Variants in ROBO1 observed in about 807,000 individuals in gnomAD.
ROBO1 encodes roundabout homolog 1.
ROBO1 carries 149 observed loss-of-function variants against 195.9 expected under a neutral mutation model. That is an observed-to-expected ratio of 0.76 (90% CI 0.67 to 0.87). ROBO1 has a LOEUF of 0.87. Ranked by LOEUF, ROBO1 falls within the 40% of genes least tolerant of loss-of-function variation. The pLI is 0.00. For synonymous variants in ROBO1, 816 were observed against 733.2 expected, an observed-to-expected ratio of 1.11 and a Z score of -1.82; for missense variants, 1,933 against 2,068.3, an observed-to-expected ratio of 0.93 and a Z score of 1.27.
At chr3:79,415,651 A>AT (rs1317625385) in intron 2 of ROBO1, among the ~76,000 whole-genome samples, 1 of 152,162 alleles carries the variant, frequency 6.6e-6, no homozygotes, top group Admixed American at 6.6e-5. Context: ...GAAGAAGCAG[A>AT]TTTTTGCATT....
chr3:79,214,775 C>CATAT (rs142556647), intron 2 of ROBO1, among the ~76,000 whole-genome samples: 17 of 142,326 alleles, frequency 1.2e-4, no homozygotes, highest in Admixed American at 4.3e-4. Context: ...TATATTATAG[C>CATAT]ATATATATAT....
In ROBO1 at chr3:78,938,658, C is replaced by T. The variant is rs555382684; in HGVS notation, c.442G>A (p.Val148Ile). The change falls in exon 4 of 31, where the codon GTA becomes ATA. Residue 148 changes from valine (V) to isoleucine (I), a missense_variant. Val to Ile is a conservative substitution (Grantham distance 29). Around this residue, in one of 3 missense-constraint regions of ROBO1, gnomAD observed 1,737 missense variants for 1,882.5 expected, o/e 0.92. Transcript: ENST00000464233. ...GCCTCTCCAAGGTAATTCCTTGCTACACAGACATAGACTCCTTCATCAGGT... is the reference window on the plus strand; with the variant it reads ...GCCTCTCCAAGGTAATTCCTTGCTATACAGACATAGACTCCTTCATCAGGT... ...SRPDEGVYVCVARNYLGEAVS... is the reference protein window; with the variant it reads ...SRPDEGVYVCIARNYLGEAVS... 9 of 1,613,964 alleles carry T rather than the reference C, an allele frequency of 5.6e-6. No individual in the cohort carries two copies. The South Asian group carries it at 9.9e-5, about 18-fold the overall frequency.
chr3:79,404,974 T>G (rs1559875062), intron 2 of ROBO1, among the ~76,000 whole-genome samples: 1 of 152,092 alleles, frequency 6.6e-6, no homozygotes, highest in Non-Finnish European at 1.5e-5. Flanking sequence ...TATTAAAAAA[T>G]AATGGTTTTT....
At chr3:79,602,747 A>G (rs773716401) in intron 1 of ROBO1, among the ~76,000 whole-genome samples, 1 of 152,040 alleles carries the variant, frequency 6.6e-6, no homozygotes, top group Non-Finnish European at 1.5e-5. Context: ...CATTAAATCA[A>G]TGATAGCCAC....
chr3:79,740,652 T>C (rs1703606413), intron 1 of ROBO1, among the ~76,000 whole-genome samples: 1 of 152,084 alleles, frequency 6.6e-6, no homozygotes, highest in Non-Finnish European at 1.5e-5. Flanking sequence ...ACGAGAACAG[T>C]GTGGCAGAAA....
chr3:78,922,169 A>C (rs891871047), intron 4 of ROBO1, among the ~76,000 whole-genome samples: 1 of 152,164 alleles, frequency 6.6e-6, no homozygotes, highest in Non-Finnish European at 1.5e-5. Flanking sequence ...CTGTGAGAAG[A>C]TAATACAAAT....
chr3:78,652,368 G>C (rs1706721580), intron 18 of ROBO1, among the ~76,000 whole-genome samples: 1 of 151,890 alleles, frequency 6.6e-6, no homozygotes, highest in South Asian at 2.1e-4. Context: ...AACTTTCTCA[G>C]ACTTCTACAG....
intron 1 of ROBO1, among the ~76,000 whole-genome samples, chr3:79,696,183 T>G (rs949484227): frequency 6.6e-6 from 1 of 151,440 alleles, no homozygotes; most frequent in Non-Finnish European, 1.5e-5. Context: ...CAACTTTTCC[T>G]CCAAGACTGA....
intron 1 of ROBO1, among the ~76,000 whole-genome samples, chr3:79,654,618 G>T (rs1490588556): frequency 6.6e-6 from 1 of 152,014 alleles, no homozygotes; most frequent in African/African-American, 2.4e-5. Context: ...TCTTTTAAAA[G>T]ATGCATTTAA....
intron 1 of ROBO1, among the ~76,000 whole-genome samples, chr3:79,655,124 T>C (rs1946122124): frequency 6.6e-6 from 1 of 152,054 alleles, no homozygotes; most frequent in South Asian, 2.1e-4. Context: ...AGTAACAAAA[T>C]AATTACTTTA....
At chr3:78,930,496 A>G (rs577605220) in intron 4 of ROBO1, among the ~76,000 whole-genome samples, 3 of 152,320 alleles carry the variant, frequency 2.0e-5, no homozygotes, top group African/African-American at 7.2e-5. Context: ...AGAGAAAAAC[A>G]GAAAGTATAC....
intron 4 of ROBO1, among the ~76,000 whole-genome samples, chr3:78,819,018 T>C (rs1349908203): frequency 6.6e-6 from 1 of 152,186 alleles, no homozygotes; most frequent in Non-Finnish European, 1.5e-5. Flanking sequence ...AAAAACATAG[T>C]GTACAAAGGG....
intron 2 of ROBO1, among the ~76,000 whole-genome samples, chr3:79,278,651 A>T (rs1056088562): frequency 1.3e-5 from 2 of 152,194 alleles, no homozygotes; most frequent in African/African-American, 4.8e-5. Context: ...AGAAGAAGGA[A>T]TCTAGACTCG....
At chr3:79,360,801 G>A (rs748585365) in intron 2 of ROBO1, among the ~76,000 whole-genome samples, 6 of 151,988 alleles carry the variant, frequency 3.9e-5, no homozygotes, top group Non-Finnish European at 8.8e-5. Flanking sequence ...AAAGTGTGAA[G>A]CCAGGGTGCG....
At chr3:79,046,459 C>CAT (rs1345701914) in intron 3 of ROBO1, among the ~76,000 whole-genome samples, 1 of 151,976 alleles carries the variant, frequency 6.6e-6, no homozygotes, top group South Asian at 2.1e-4. Context: ...GGTAATGTAA[C>CAT]ATATATATAA....
chr3:79,453,773 A>T (rs1330752007), intron 2 of ROBO1, among the ~76,000 whole-genome samples: 1 of 152,140 alleles, frequency 6.6e-6, no homozygotes, highest in Non-Finnish European at 1.5e-5. Context: ...GAAACTTGGA[A>T]AAAACACTAT....
intron 10 of ROBO1, among the ~76,000 whole-genome samples, chr3:78,677,383 T>C (rs1169950733): frequency 1.3e-5 from 2 of 152,122 alleles, no homozygotes; most frequent in East Asian, 1.9e-4. Flanking sequence ...ACTGGCAAAT[T>C]GGATAAAGAG....
intron 2 of ROBO1, among the ~76,000 whole-genome samples, chr3:79,228,440 A>G (rs1311864590): frequency 6.6e-6 from 1 of 152,214 alleles, no homozygotes; most frequent in Non-Finnish European, 1.5e-5. Flanking sequence ...GACAATAAAA[A>G]TTTAAAACCC....
chr3:79,686,569 C>A (rs1345425997), intron 1 of ROBO1, among the ~76,000 whole-genome samples: 4 of 152,130 alleles, frequency 2.6e-5, no homozygotes, highest in Non-Finnish European at 4.4e-5. Flanking sequence ...CATTCTTATA[C>A]ACCAATAACA....
Sources: allele counts gnomAD v4.1 joint callset (sites outside exome capture counted in the v4.1 genomes callset), GRCh38; gene constraint gnomAD v4.1.1; regional missense constraint gnomAD v4.1.1; transcripts MANE v1.5; gene names NCBI Gene and HGNC (gene_info 2026-07-23, HGNC 2026-07-21).